The following RAD18 variants were observed in gnomAD, a reference collection of about 807,000 sequenced individuals.
The protein encoded by RAD18 is RAD18 E3 ubiquitin protein ligase.
In RAD18, 47 loss-of-function variants were observed where a neutral mutation model predicts 60.4. That is an observed-to-expected ratio of 0.78 (90% CI 0.62 to 0.99). The LOEUF (loss-of-function observed/expected upper bound fraction) is 0.99, where lower values mean the gene tolerates loss of function less well. Among genes scored for constraint, RAD18 ranks in the 50% least tolerant of loss-of-function variants. The probability of loss-of-function intolerance (pLI) is 0.00; values close to 1 mark genes in which losing one functional copy is unlikely to be tolerated. For synonymous variants in RAD18, 225 were observed against 195.5 expected (o/e 1.15, Z -1.26); for missense variants, 640 against 593.3 (o/e 1.08, Z -0.82).
At chr3:8,945,191 C>G (rs953678111) in intron 4 of RAD18, among the ~76,000 whole-genome samples, 1 of 152,130 alleles carries the variant, frequency 6.6e-6, no homozygotes, top group Non-Finnish European at 1.5e-5. Flanking sequence ...TGGGACCAAT[C>G]CCCTTTACTG....
rs372631611 is a variant in RAD18 at position 8,948,391 on chromosome 3, A to T, written c.195+118T>A. 3.3e-5 allele frequency: 27 copies of T among 806,594 alleles called. No homozygotes were observed. The African/African-American group carries it at 4.7e-4, about 14-fold the overall frequency. 50.0% of individuals were successfully genotyped at this position (806,594 alleles called of 1,614,324 possible). ...GAGGTCCTTTCTGAAAATGTCTTTC[A>T]TATAGCTTAATTCAGTAACTACACA... On this transcript the variant is annotated intron_variant, in intron 3 of 12. Transcript: ENST00000264926.
Position 8,878,891 on chromosome 3 carries a change from G to A in RAD18, c.*2466C>T, listed in dbSNP as rs963685383. On this transcript the variant is annotated 3_prime_UTR_variant, in exon 13 of 13. Transcript: ENST00000264926. ...AGTTAATAACTCTGAATTACTGTAA[G>A]TTTGGTGAGAAACTGTATTTTCACT... The A allele has an allele frequency of 7.2e-5, 11 of 152,194 alleles. No homozygotes were observed. The highest frequency in any genetic ancestry group is 2.7e-4 in the African/African-American group (11 of 41,452). The allele number at this position is 152,194 out of a possible 1,614,324, so 9.4% of individuals were successfully genotyped here.
chr3:8,954,883 G>A (rs1040567778), intron 2 of RAD18, among the ~76,000 whole-genome samples: 3 of 151,996 alleles, frequency 2.0e-5, no homozygotes, highest in East Asian at 3.9e-4. Context: ...TAGACATGAC[G>A]GGACTTGTGA....
intron 2 of RAD18, among the ~76,000 whole-genome samples, chr3:8,955,778 A>C (rs988636143): frequency 1.3e-5 from 2 of 152,200 alleles, no homozygotes; most frequent in African/African-American, 4.8e-5. Flanking sequence ...TCCAGGGAAG[A>C]CACATCCACA....
chr3:8,942,753 G>A (rs772463806), intron 4 of RAD18, among the ~76,000 whole-genome samples: 5 of 152,164 alleles, frequency 3.3e-5, no homozygotes, highest in Non-Finnish European at 5.9e-5. Flanking sequence ...GCTTTGACAC[G>A]TGGTAGCTAC....
At position 8,877,764 on chromosome 3, in the gene RAD18, A is replaced by G. The variant is rs968565974; in HGVS notation, c.*3593T>C. ...GCACATTACTTGACATATAGTCCTA[A>G]TAGTTGAAGGAAGGAAGGACAGGAA... On this transcript the variant is annotated 3_prime_UTR_variant, in exon 13 of 13. Transcript: ENST00000264926. 2.6e-5 allele frequency: 4 copies of G among 152,222 alleles called. No individual in the cohort carries two copies. The East Asian group carries it at 7.7e-4, about 29-fold the overall frequency. The allele number at this position is 152,222 out of a possible 1,614,324, so 9.4% of individuals were successfully genotyped here.
intron 4 of RAD18, among the ~76,000 whole-genome samples, chr3:8,946,750 T>C (rs774656059): frequency 3.9e-5 from 6 of 152,218 alleles, no homozygotes; most frequent in Non-Finnish European, 7.3e-5. Context: ...ATTATAGATA[T>C]GTGTATATAC....
intron 9 of RAD18, among the ~76,000 whole-genome samples, chr3:8,903,750 T>G (rs1939954494): frequency 6.6e-6 from 1 of 152,192 alleles, no homozygotes; most frequent in Non-Finnish European, 1.5e-5. Context: ...TCCAAAGTAA[T>G]GTCATAAATC....
intron 7 of RAD18, among the ~76,000 whole-genome samples, chr3:8,913,964 A>C (rs552782081): frequency 7.7e-5 from 1 of 13,052 alleles, no homozygotes; most frequent in Non-Finnish European, 1.9e-4. Context: ...TAACCACAAG[A>C]GTCAAGTCAT....
intron 2 of RAD18, among the ~76,000 whole-genome samples, chr3:8,950,593 T>C (rs973416740): frequency 6.6e-6 from 1 of 152,144 alleles, no homozygotes; most frequent in Non-Finnish European, 1.5e-5. Context: ...AAAGGCCTAT[T>C]TACTGCAGTT....
chr3:8,957,473 A>G (rs1941033140), intron 2 of RAD18, among the ~76,000 whole-genome samples: 1 of 152,178 alleles, frequency 6.6e-6, no homozygotes, highest in African/African-American at 2.4e-5. Flanking sequence ...GGATAGACAT[A>G]TATGAGTCTA....
At chr3:8,923,140 C>G (rs1292426985) in intron 7 of RAD18, among the ~76,000 whole-genome samples, 4 of 152,226 alleles carry the variant, frequency 2.6e-5, no homozygotes, top group South Asian at 4.2e-4. Flanking sequence ...AGTTCAAACC[C>G]ATGGCAAAGA....
At chr3:8,904,004 ACT>A (rs1328313184) in intron 9 of RAD18, among the ~76,000 whole-genome samples, 5 of 152,148 alleles carry the variant, frequency 3.3e-5, no homozygotes, top group Non-Finnish European at 7.4e-5. Flanking sequence ...CTATGGTATA[ACT>A]CTGTATGTTG....
At position 8,902,464 on chromosome 3, in the gene RAD18, T is replaced by C; in HGVS notation, c.1084A>G (p.Lys362Glu). 6.2e-7 allele frequency: 1 copy of C among 1,610,686 alleles called. No individual in the cohort carries two copies. The highest frequency in any genetic ancestry group is 8.5e-7 in the Non-Finnish European group (1 of 1,177,846). Residue 362 changes from lysine to glutamate, a missense_variant, in exon 10 of 13, where the codon AAG becomes GAG. By Grantham distance (56) the Lys-to-Glu change is moderately conservative. Transcript: ENST00000264926. ...TTTTGTGACATTCCAGCAATTTTCTTGTATCCTTTTCTAGCCTGATCCACC... is the reference window on the plus strand; with the variant it reads ...TTTTGTGACATTCCAGCAATTTTCTCGTATCCTTTTCTAGCCTGATCCACC... ...LLVDQARKGY[K>E]KIAGMSQKTV... is the part of the protein sequence containing the mutation.
At chr3:8,942,832 G>A (rs901513835) in intron 4 of RAD18, among the ~76,000 whole-genome samples, 4 of 152,166 alleles carry the variant, frequency 2.6e-5, no homozygotes, top group Admixed American at 2.0e-4. Context: ...GGCTGCACAT[G>A]ATTAGACAAA....
intron 12 of RAD18, among the ~76,000 whole-genome samples, chr3:8,881,752 T>G (rs1939467075): frequency 6.6e-6 from 1 of 152,204 alleles, no homozygotes; most frequent in Non-Finnish European, 1.5e-5. Flanking sequence ...AACAAAAAGC[T>G]GCTCCCATCC....
At chr3:8,959,097 A>C in intron 1 of RAD18, 96 bp from the exon 2 acceptor site, 1 of 931,262 alleles carries the variant, frequency 1.1e-6, no homozygotes, top group Non-Finnish European at 1.7e-6. Context: ...AAAAAAATCA[A>C]ACTCTTTGTC....
At chr3:8,932,472 C>A (rs1367618569) in intron 7 of RAD18, among the ~76,000 whole-genome samples, 1 of 152,174 alleles carries the variant, frequency 6.6e-6, no homozygotes, top group African/African-American at 2.4e-5. Context: ...CACTACTACA[C>A]ATTGACTAGA....
At chr3:8,892,822 C>T (rs1322452846) in intron 11 of RAD18, among the ~76,000 whole-genome samples, 1 of 152,100 alleles carries the variant, frequency 6.6e-6, no homozygotes, top group African/African-American at 2.4e-5. Context: ...AGAGAAAAAA[C>T]CCTCAGATTT....
Sources: allele counts gnomAD v4.1 joint callset (sites outside exome capture counted in the v4.1 genomes callset), GRCh38; gene constraint gnomAD v4.1.1; transcripts MANE v1.5; gene names NCBI Gene and HGNC (gene_info 2026-07-23, HGNC 2026-07-21).